Variants in POLR3E observed in about 807,000 individuals in gnomAD.
POLR3E encodes DNA-directed RNA polymerase III subunit RPC5.
POLR3E carries 41 observed loss-of-function variants against 96.6 expected under a neutral mutation model. That is an observed-to-expected ratio of 0.42 (90% CI 0.33 to 0.55). The LOEUF is 0.55. POLR3E is among the 20% of genes least tolerant of loss of function. The pLI is 0.06. For missense variants in POLR3E, 849 were observed against 952.1 expected (o/e 0.89, Z 1.43); for synonymous variants, 396 against 383.6 (o/e 1.03, Z -0.38).
intron 14 of POLR3E, among the ~76,000 whole-genome samples, chr16:22,324,063 G>T (rs1479260684): frequency 2.7e-5 from 4 of 148,774 alleles, no homozygotes; most frequent in African/African-American, 1.0e-4. Flanking sequence ...AGTCCTCATC[G>T]TATCCTCGGA....
rs565797687 is a variant in POLR3E at position 22,318,608 on chromosome 16, G to C, written c.866-218G>C. Among the ~76,000 whole-genome samples the C allele has an allele frequency of 6.6e-6, 1 of 152,196 alleles. No homozygotes were observed. The highest frequency in any genetic ancestry group is 1.9e-4 in the East Asian group (1 of 5,180). ...GGCACCCCTCAAGTCTTCCTTAAGG[G>C]GCACTTCATATAATCCTCAGATTTC... On this transcript the variant is annotated intron_variant, in intron 12 of 20. Transcript: ENST00000299853. The surrounding 1 kb of genome is among the most constrained non-coding windows in gnomAD (Gnocchi z 5.0).
intron 14 of POLR3E, among the ~76,000 whole-genome samples, chr16:22,323,252 G>C (rs1004902646): frequency 6.6e-6 from 1 of 152,144 alleles, no homozygotes; most frequent in Non-Finnish European, 1.5e-5. Context: ...CTTGATGCTA[G>C]ACAGATGTCT....
intron 19 of POLR3E, among the ~76,000 whole-genome samples, chr16:22,330,673 C>T (rs1598279397): frequency 6.6e-6 from 1 of 152,192 alleles, no homozygotes; most frequent in East Asian, 1.9e-4. Context: ...CTTGCTTTAG[C>T]TTCTGAAGAG....
intron 1 of POLR3E, among the ~76,000 whole-genome samples, chr16:22,301,873 G>A (rs1013639822): frequency 7.3e-5 from 11 of 149,802 alleles, no homozygotes; most frequent in Non-Finnish European, 1.6e-4. Context: ...GCAGTGAGCC[G>A]ATCGTACCAC....
chr16:22,330,427 A>C (rs1220177605), intron 19 of POLR3E, among the ~76,000 whole-genome samples: 2 of 152,176 alleles, frequency 1.3e-5, no homozygotes, highest in African/African-American at 4.8e-5. Flanking sequence ...TAGCATTGTC[A>C]CAGAATGAAC....
chr16:22,334,012 C>T lies in POLR3E; in HGVS notation c.*312C>T, dbSNP rs2048798984. On this transcript the variant is annotated 3_prime_UTR_variant, in exon 21 of 21. Coordinates refer to ENST00000299853, the MANE Select transcript of POLR3E (RefSeq NM_018119.4). ...TAAAGAGAGTGTATACTGACATGGG[C>T]AGGATGATAAAAATCATGGTTTAAT... is the stretch of plus-strand genomic sequence containing the variant. 3.4e-6 allele frequency: 1 copy of T among 298,398 alleles called. No homozygotes were observed. The highest frequency in any genetic ancestry group is 2.1e-5 in the African/African-American group (1 of 46,624). The allele number at this position is 298,398 out of a possible 1,614,324, so 18.5% of individuals were successfully genotyped here.
In POLR3E at chr16:22,332,141, T is replaced by C. The variant is rs2048754201; in HGVS notation, c.2026T>C (p.Cys676Arg). The C allele has an allele frequency of 6.2e-7, 1 of 1,613,342 alleles. No individual in the cohort carries two copies. The highest frequency in any genetic ancestry group is 8.5e-7 in the Non-Finnish European group (1 of 1,179,526). The change falls in exon 20 of 21, where the codon TGT becomes CGT. Residue 676 changes from cysteine to arginine, a missense_variant. Cys to Arg is a radical substitution (Grantham distance 180, BLOSUM62 -3). Coordinates refer to ENST00000299853, the MANE Select transcript of POLR3E (RefSeq NM_018119.4). Reference sequence around the variant, plus strand: ...GATCCAGTCTCGGTTGACTCAAGAGTGTGGAGAAGATCTCAGTAAACAGGA... The same window carrying C: ...GATCCAGTCTCGGTTGACTCAAGAGCGTGGAGAAGATCTCAGTAAACAGGA... ...NMIQSRLTQE[C>R]GEDLSKQEVD...
At position 22,314,111 on chromosome 16, in the gene POLR3E, G is replaced by A. The variant is rs185265815; in HGVS notation, c.505G>A (p.Asp169Asn). The change falls in exon 8 of 21, where the codon GAT (aspartate) becomes AAT (asparagine). Residue 169 changes from aspartate to asparagine, a missense_variant. Asp to Asn is a conservative substitution (Grantham distance 23). Coordinates refer to ENST00000299853, the MANE Select transcript of POLR3E (RefSeq NM_018119.4). ...GDSSQDEAED[D>N]VKQITVRFSR... is the part of the protein sequence containing the mutation. ...CTCTTCACAGGATGAGGCGGAAGAC[G>A]ATGTTAAGCAGATCACGGTGAGCCC... is the stretch of plus-strand genomic sequence containing the variant. 61 of 1,613,910 alleles carry A rather than the reference G, an allele frequency of 3.8e-5. 1 individual carries two copies. In the Admixed American group the frequency reaches 8.3e-4, roughly 22 times the overall value.
chr16:22,309,127 C>T, intron 5 of POLR3E, 87 bp downstream of exon 5: 1 of 916,874 alleles, frequency 1.1e-6, no homozygotes, highest in Non-Finnish European at 1.7e-6. Context: ...CCCCCTTTGC[C>T]CCGTCACTGG....
intron 2 of POLR3E, among the ~76,000 whole-genome samples, chr16:22,304,186 CT>C (rs1305561966): frequency 6.6e-6 from 1 of 152,032 alleles, no homozygotes; most frequent in African/African-American, 2.4e-5. Flanking sequence ...GGACTTAGAC[CT>C]TTGGAAGGCA....
At chr16:22,324,723 C>A in intron 16 of POLR3E, 63 bp downstream of exon 16, 3 of 1,546,414 alleles carry the variant, frequency 1.9e-6, no homozygotes, top group East Asian at 2.2e-5. Context: ...TCCTGGGGAG[C>A]ACTGTCAGGG....
intron 5 of POLR3E, 44 bp downstream of exon 5, chr16:22,309,084 A>G: frequency 8.1e-6 from 11 of 1,356,460 alleles, no homozygotes; most frequent in Non-Finnish European, 1.2e-5. Flanking sequence ...CTGCGTTCAC[A>G]CAGGAGCCTC....
At position 22,324,369 on chromosome 16, in the gene POLR3E, C is replaced by G; in HGVS notation, c.1084C>G (p.Gln362Glu). ...GRDFVMWKFTQSRWVVRKEVA... is the reference protein window; with the variant it reads ...GRDFVMWKFTESRWVVRKEVA... ...TCTCCCTCAGATGTGGAAGTTCACGCAGAGCCGCTGGGTGGTTAGGAAAGA... is the reference window on the plus strand; with the variant it reads ...TCTCCCTCAGATGTGGAAGTTCACGGAGAGCCGCTGGGTGGTTAGGAAAGA... The change falls in exon 15 of 21, where the codon CAG becomes GAG. Residue 362 changes from glutamine to glutamate, a missense_variant. Coordinates refer to ENST00000299853, the MANE Select transcript of POLR3E (RefSeq NM_018119.4). 6.2e-7 allele frequency: 1 copy of G among 1,612,876 alleles called. No homozygotes were observed. Among genetic ancestry groups the G allele is most frequent in the Non-Finnish European group, 8.5e-7 (1 of 1,179,684 alleles).
Position 22,329,501 on chromosome 16 carries a change from T to C in POLR3E, c.1944+914T>C, listed in dbSNP as rs140805693. Among the ~76,000 whole-genome samples, 186 of 152,196 alleles carry C rather than the reference T, an allele frequency of 1.2e-3. 2 individuals are homozygous for C. Among genetic ancestry groups the C allele is most frequent in the South Asian group, 2.5e-3 (12 of 4,820 alleles). On this transcript the variant is annotated intron_variant, in intron 19 of 20. Transcript: ENST00000299853. ...TCTGACCGTGTCTAGGCCCTGCTCC[T>C]AAGGTGTGGGGAGAAGGGAGTCAGC...
chr16:22,305,236 G>A (rs1230308081), intron 3 of POLR3E, 30 bp downstream of exon 3: 2 of 1,552,582 alleles, frequency 1.3e-6, no homozygotes, highest in Non-Finnish European at 1.8e-6. Context: ...GTAAAGAGGG[G>A]AGAAGCAGGT....
intron 12 of POLR3E, among the ~76,000 whole-genome samples, 170 bp downstream of exon 12, chr16:22,317,376 T>C (rs1210728408): frequency 2.0e-5 from 3 of 152,210 alleles, no homozygotes; most frequent in Admixed American, 6.5e-5. Context: ...AGGACGGCAG[T>C]GCGGCCAGCT....
At chr16:22,320,969 C>T (rs1255748498) in intron 13 of POLR3E, among the ~76,000 whole-genome samples, 1 of 152,118 alleles carries the variant, frequency 6.6e-6, no homozygotes, top group Non-Finnish European at 1.5e-5. Context: ...TGGTTTTCTA[C>T]GGGTTCGTTT....
intron 1 of POLR3E, chr16:22,299,037 G>A (rs1221932398): frequency 2.2e-6 from 1 of 455,968 alleles, no homozygotes; most frequent in African/African-American, 2.0e-5. Context: ...AATAGACCAG[G>A]TAGTTCCAGA....
At chr16:22,319,950 C>A (rs1197602783) in intron 13 of POLR3E, among the ~76,000 whole-genome samples, 1 of 152,140 alleles carries the variant, frequency 6.6e-6, no homozygotes, top group African/African-American at 2.4e-5. Flanking sequence ...ATTTTTATAT[C>A]ATTCTTACCA....
Sources: allele counts gnomAD v4.1 joint callset (sites outside exome capture counted in the v4.1 genomes callset), GRCh38; gene constraint gnomAD v4.1.1; non-coding constraint Gnocchi (gnomAD v3.1); transcripts MANE v1.5; gene names NCBI Gene and HGNC (gene_info 2026-07-23, HGNC 2026-07-21).